NT5C2: variants seen among roughly 807,000 people sequenced by gnomAD.
NT5C2 encodes 5'-nucleotidase, cytosolic II, also known as cytosolic purine 5'-nucleotidase.
NT5C2 carries 58 observed loss-of-function variants against 76.1 expected under a neutral mutation model. The observed-to-expected ratio is 0.76, with a 90% confidence interval of 0.62 to 0.95. NT5C2 has a LOEUF of 0.95. Ranked by LOEUF, NT5C2 falls within the 40% of genes least tolerant of loss-of-function variation. The pLI is 0.00. For missense variants in NT5C2, 478 were observed against 690.3 expected, an observed-to-expected ratio of 0.69 and a Z score of 3.45; for synonymous variants, 229 against 237.4, an observed-to-expected ratio of 0.96 and a Z score of 0.32.
At chr10:103,153,321 C>T in intron 3 of NT5C2, 2 of 1,281,528 alleles carry the variant, frequency 1.6e-6, no homozygotes, top group Non-Finnish European at 2.0e-6. Flanking sequence ...AGATCTACTT[C>T]CTCTGGATGA....
At chr10:103,146,192 T>C in intron 3 of NT5C2, 1 of 985,452 alleles carries the variant, frequency 1.0e-6, no homozygotes, top group Non-Finnish European at 1.2e-6. Context: ...AGCATGTATC[T>C]TCCGAGACAG....
At chr10:103,189,440 T>C (rs1363978392) in intron 1 of NT5C2, among the ~76,000 whole-genome samples, 2 of 151,862 alleles carry the variant, frequency 1.3e-5, no homozygotes, top group African/African-American at 4.8e-5. Context: ...ACCCCATCTC[T>C]ACTAAAAATA....
intron 3 of NT5C2, among the ~76,000 whole-genome samples, chr10:103,156,039 A>T (rs2083299923): frequency 6.6e-6 from 1 of 152,072 alleles, no homozygotes; most frequent in African/African-American, 2.4e-5. Context: ...GGTGGCATGC[A>T]CCTGTAGTCC....
chr10:103,100,850 G>C, intron 8 of NT5C2, 195 bp downstream of exon 8: 1 of 681,408 alleles, frequency 1.5e-6, no homozygotes, highest in Non-Finnish European at 2.7e-6. Context: ...GCAAGGAGAG[G>C]GGCCGTGTGG....
At chr10:103,119,274 C>A (rs956137460) in intron 4 of NT5C2, among the ~76,000 whole-genome samples, 7 of 152,148 alleles carry the variant, frequency 4.6e-5, no homozygotes, top group Non-Finnish European at 1.0e-4. Context: ...GAGGCTGAGG[C>A]AGGAGAATCA....
At chr10:103,167,763 C>A (rs1410064093) in intron 3 of NT5C2, among the ~76,000 whole-genome samples, 1 of 152,032 alleles carries the variant, frequency 6.6e-6, no homozygotes, top group Non-Finnish European at 1.5e-5. Context: ...TCCTGAGTAA[C>A]CAGGACTACA....
At chr10:103,146,074 G>A (rs1432803340) in intron 3 of NT5C2, 10 of 985,338 alleles carry the variant, frequency 1.0e-5, no homozygotes, top group Non-Finnish European at 1.2e-5. Context: ...AAAACTATCT[G>A]AGTCAACTAG....
intron 9 of NT5C2, among the ~76,000 whole-genome samples, chr10:103,099,366 T>C (rs1363587403): frequency 6.6e-6 from 1 of 152,240 alleles, no homozygotes; most frequent in Non-Finnish European, 1.5e-5. Context: ...TGAGCCATCA[T>C]GCCCAGCCCC....
At chr10:103,092,996 TG>T (rs1351883253) in intron 15 of NT5C2, 142 bp downstream of exon 15, 6 of 538,816 alleles carry the variant, frequency 1.1e-5, no homozygotes, top group Non-Finnish European at 1.9e-5. Context: ...GAATATTCTA[TG>T]GGAAGGAAGT....
chr10:103,109,243 T>C (rs2072276697), intron 4 of NT5C2, among the ~76,000 whole-genome samples: 2 of 152,136 alleles, frequency 1.3e-5, no homozygotes, highest in Admixed American at 1.3e-4. Flanking sequence ...TGTTGAAGAC[T>C]TAAGTGTGGA....
At position 103,089,373 on chromosome 10, in the gene NT5C2, C is replaced by T. The variant is rs1016885980; in HGVS notation, c.*299G>A. 2.7e-5 allele frequency: 8 copies of T among 293,618 alleles called. No individual in the cohort carries two copies. The highest frequency in any genetic ancestry group is 5.3e-5 in the East Asian group (1 of 18,878). 18.2% of individuals were successfully genotyped at this position (293,618 alleles called of 1,614,324 possible). A position where few individuals can be genotyped will look rare whatever the true frequency, so the allele number is the denominator to read the frequency against. On this transcript the variant is annotated 3_prime_UTR_variant, in exon 19 of 19. Transcript: ENST00000404739. ...TCGTGTATCCAGATACACTGACATA[C>T]GGATGATTTTAAAAGTGTCACAAGC...
chr10:103,111,908 T>G, intron 4 of NT5C2: 1 of 735,126 alleles, frequency 1.4e-6, no homozygotes, highest in Non-Finnish European at 1.9e-6. Flanking sequence ...ATTTGGAAAT[T>G]GGTATTTACA....
At chr10:103,142,678 AAAAG>A (rs2080703741) in intron 3 of NT5C2, among the ~76,000 whole-genome samples, 2 of 151,932 alleles carry the variant, frequency 1.3e-5, no homozygotes, top group South Asian at 2.1e-4. Context: ...AAAAAGAAAA[AAAAG>A]AAAGAAGAAA....
intron 4 of NT5C2, among the ~76,000 whole-genome samples, chr10:103,129,815 G>A (rs1385348429): frequency 1.7e-4 from 15 of 88,756 alleles, no homozygotes; most frequent in East Asian, 4.4e-4. Flanking sequence ...GCCTCTGCCC[G>A]GCCGCCCCTA....
chr10:103,131,619 C>CT (rs1565115378), intron 4 of NT5C2, among the ~76,000 whole-genome samples: 2 of 152,200 alleles, frequency 1.3e-5, no homozygotes, highest in African/African-American at 4.8e-5. Context: ...AGCCAGTACT[C>CT]TTTAAAAGTC....
At chr10:103,112,459 T>G (rs1307737647) in intron 4 of NT5C2, among the ~76,000 whole-genome samples, 1 of 152,184 alleles carries the variant, frequency 6.6e-6, no homozygotes, top group African/African-American at 2.4e-5. Context: ...GTAAGCCAAT[T>G]TATACTCTAT....
rs770732179 is a variant in NT5C2, at chr10:103,094,009, G to A, written c.951C>T (p.Tyr317=). 1.9e-6 allele frequency: 3 copies of A among 1,613,818 alleles called. No homozygotes were observed. Among genetic ancestry groups the A allele is most frequent in the East Asian group, 2.2e-5 (1 of 44,886 alleles). Reference sequence around the variant, plus strand: ...CGATACCATGCTGTAGGGGCCCTGTGTAGGTACCAATTTTCAGCTTGCCAG... The same window carrying A: ...CGATACCATGCTGTAGGGGCCCTGTATAGGTACCAATTTTCAGCTTGCCAG... ...TKTGKLKIGT[Y]TGPLQHGIVY... The change falls in exon 14 of 19, where the codon TAC becomes TAT. Residue 317 remains tyrosine, a synonymous_variant. Coordinates refer to ENST00000404739, the MANE Select transcript of NT5C2 (RefSeq NM_001351169.2).
chr10:103,145,156 A>G (rs953833334), intron 3 of NT5C2, among the ~76,000 whole-genome samples: 1 of 152,210 alleles, frequency 6.6e-6, no homozygotes, highest in Non-Finnish European at 1.5e-5. Flanking sequence ...AATAAGCCAA[A>G]TATAGTTATT....
chr10:103,176,315 A>T (rs1297388120), intron 2 of NT5C2, among the ~76,000 whole-genome samples: 2 of 152,096 alleles, frequency 1.3e-5, no homozygotes, highest in Non-Finnish European at 2.9e-5. Flanking sequence ...AGGTTAGGTC[A>T]CTGATGTAAA....
Sources: gnomAD v4.1 joint callset for allele counts (sites outside exome capture counted in the v4.1 genomes callset) on GRCh38, gnomAD v4.1.1 for gene constraint, MANE v1.5 for transcripts, NCBI Gene and HGNC (gene_info 2026-07-23, HGNC 2026-07-21) for gene names.